MCM3: variants seen among roughly 807,000 people sequenced by gnomAD.
MCM3 encodes minichromosome maintenance complex component 3.
A neutral mutation model predicts 91.3 loss-of-function variants in MCM3; 59 were observed. That is an observed-to-expected ratio of 0.65 (90% confidence interval 0.52 to 0.80). The LOEUF is 0.80. Ranked by LOEUF, MCM3 falls within the 30% of genes least tolerant of loss-of-function variation. MCM3 has a pLI of 0.00. For synonymous variants in MCM3, 383 were observed against 379.6 expected (o/e 1.01, Z -0.10); for missense variants, 919 against 1,035.4 (o/e 0.89, Z 1.54).
intron 11 of MCM3, among the ~76,000 whole-genome samples, chr6:52,272,747 A>C (rs1765244089): frequency 6.6e-6 from 1 of 152,230 alleles, no homozygotes; most frequent in African/African-American, 2.4e-5. Context: ...TTCTGACTCC[A>C]AATTCTACAT....
Position 52,284,611 on chromosome 6 carries a change from A to G in MCM3, c.64T>C (p.Phe22Leu), listed in dbSNP as rs771235249. Residue 22 changes from phenylalanine (F) to leucine (L), a missense_variant, in exon 1 of 17, where the codon TTC becomes CTC. By Grantham distance (22) the Phe-to-Leu change is conservative (BLOSUM62 0). Coordinates refer to ENST00000596288, the MANE Select transcript of MCM3 (RefSeq NM_002388.6). ...LREAQRDYLD[F>L]LDDEEDQGIY... is the part of the protein sequence containing the mutation. ...GCCTCCCTCACCTCGTCGTCCAGGA[A>G]GTCCAGGTAATCTCTCTGAGCCTCC... The G allele has an allele frequency of 6.8e-6, 11 of 1,608,666 alleles. No individual in the cohort carries two copies. Among genetic ancestry groups the G allele is most frequent in the Non-Finnish European group, 9.3e-6 (11 of 1,178,556 alleles).
At position 52,269,147 on chromosome 6, in the gene MCM3, G is replaced by T. The variant is rs1764889207; in HGVS notation, c.1907C>A (p.Thr636Asn). The T allele has an allele frequency of 6.2e-7, 1 of 1,614,020 alleles. No individual in the cohort carries two copies. Among genetic ancestry groups the T allele is most frequent in the African/African-American group, 1.3e-5 (1 of 74,942 alleles). Residue 636 changes from threonine to asparagine, a missense_variant, in exon 13 of 17, where the codon ACT (threonine) becomes AAT (asparagine). Physicochemically the swap from Thr to Asn is moderately conservative, Grantham distance 65. This residue lies in a region of MCM3 where 285 missense variants were observed against 311.4 expected (regional missense o/e 0.92). Coordinates refer to ENST00000596288, the MANE Select transcript of MCM3 (RefSeq NM_002388.6). ...TTCCTCTGCATCCTGCAGGTCCACA[G>T]TCTTGCTCATGCGGGCCTTCGCATG... The part of the protein sequence containing the change: ...TAHAKARMSK[T>N]VDLQDAEEAV...
At chr6:52,279,753 T>C (rs1157354239) in intron 4 of MCM3, among the ~76,000 whole-genome samples, 154 bp from the exon 5 acceptor site, 2 of 152,276 alleles carry the variant, frequency 1.3e-5, no homozygotes, top group South Asian at 4.1e-4. Context: ...TGTTCCTGTC[T>C]GTTTTAGTAA....
Position 52,264,577 on chromosome 6 carries a change from A to G in MCM3, c.*11T>C, listed in dbSNP as rs1351995473. On this transcript the variant is annotated 3_prime_UTR_variant, in exon 17 of 17. Transcript: ENST00000596288. ...CTCTCGGCACAACCCAAGTTCAGAG[A>G]CGAGGCCTCCTCAGATGAGGAAGAT... 11 of 1,613,934 alleles carry G rather than the reference A, an allele frequency of 6.8e-6. No individual in the cohort carries two copies. The East Asian group carries it at 2.4e-4, about 36-fold the overall frequency.
At chr6:52,277,978 G>C (rs1482512752) in intron 6 of MCM3, among the ~76,000 whole-genome samples, 2 of 134,932 alleles carry the variant, frequency 1.5e-5, no homozygotes, top group African/African-American at 5.6e-5. Context: ...TGAGGCAGGA[G>C]AATCACTTAA....
In MCM3 at chr6:52,264,178, C is replaced by G. The variant is rs996731212; in HGVS notation, c.*410G>C. On this transcript the variant is annotated 3_prime_UTR_variant, in exon 17 of 17. Coordinates refer to ENST00000596288, the MANE Select transcript of MCM3 (RefSeq NM_002388.6). ...CAGAGCTTCTCTCCACCAATTGGAACCACCCAAAGCCTAGTCTAGACCAAA... is the reference window on the plus strand; with the variant it reads ...CAGAGCTTCTCTCCACCAATTGGAAGCACCCAAAGCCTAGTCTAGACCAAA... The G allele has an allele frequency of 2.8e-5, 5 of 180,746 alleles. No individual in the cohort carries two copies. Among genetic ancestry groups the G allele is most frequent in the Non-Finnish European group, 5.9e-5 (5 of 84,756 alleles). The allele number at this position is 180,746 out of a possible 1,614,324, so 11.2% of individuals were successfully genotyped here.
chr6:52,270,237 G>A (rs1338233669), intron 12 of MCM3, among the ~76,000 whole-genome samples: 2 of 150,852 alleles, frequency 1.3e-5, no homozygotes, highest in African/African-American at 2.4e-5. Flanking sequence ...GCTGAGGCAG[G>A]AGAATAGCTT....
Position 52,273,765 on chromosome 6 carries a change from G to C in MCM3, c.1526C>G (p.Ala509Gly). 6.2e-7 allele frequency: 1 copy of C among 1,612,502 alleles called. No homozygotes were observed. The highest frequency in any genetic ancestry group is 8.5e-7 in the Non-Finnish European group (1 of 1,179,372). The part of the protein sequence containing the change: ...DHVLRMHRYR[A>G]PGEQDGDAMP... ...ACCATCGCCATCCTGCTCCCCAGGTGCTCTGTAACGGTGCATCCGAAGGAC... is the reference window on the plus strand; with the variant it reads ...ACCATCGCCATCCTGCTCCCCAGGTCCTCTGTAACGGTGCATCCGAAGGAC... The change falls in exon 10 of 17, where the codon GCA becomes GGA. Residue 509 changes from alanine to glycine, a missense_variant. Physicochemically the swap from Ala to Gly is moderately conservative, Grantham distance 60. Transcript: ENST00000596288.
chr6:52,281,706 G>C (rs1766112431), intron 4 of MCM3, among the ~76,000 whole-genome samples: 1 of 151,948 alleles, frequency 6.6e-6, no homozygotes. Context: ...GTGAAGCCAG[G>C]TGGCGTAGCA....
chr6:52,266,446 C>T (rs910283058), intron 15 of MCM3, among the ~76,000 whole-genome samples, 165 bp downstream of exon 15: 2 of 152,124 alleles, frequency 1.3e-5, no homozygotes, highest in Non-Finnish European at 2.9e-5. Flanking sequence ...AAAGCTTTTT[C>T]CAAAGTTTCC....
intron 5 of MCM3, 89 bp downstream of exon 5, chr6:52,279,270 ACT>A (rs1765851124): frequency 2.7e-6 from 3 of 1,096,140 alleles, no homozygotes; most frequent in Admixed American, 3.9e-5. Flanking sequence ...ATCAGATATA[ACT>A]CTCTGGAATA....
chr6:52,282,724 T>A lies in MCM3; in HGVS notation c.329A>T (p.His110Leu). The A allele has an allele frequency of 6.2e-7, 1 of 1,614,018 alleles. No individual in the cohort carries two copies. Among genetic ancestry groups the A allele is most frequent in the South Asian group, 1.1e-5 (1 of 91,076 alleles). The change falls in exon 3 of 17, where the codon CAC (histidine) becomes CTC (leucine). Residue 110 changes from histidine to leucine, a missense_variant. Physicochemically the swap from His to Leu is moderately conservative, Grantham distance 99 (BLOSUM62 -3). Coordinates refer to ENST00000596288, the MANE Select transcript of MCM3 (RefSeq NM_002388.6). ...VGLEGSFGSK[H>L]VSPRTLTSCF... is the part of the protein sequence containing the mutation. ...GGAGGTAAGAGTCCGCGGGGAGACG[T>A]GCTTGGAGCCAAAGCTGCCTTCCAG...
chr6:52,279,013 C>T (rs1765827203), intron 5 of MCM3, among the ~76,000 whole-genome samples, 163 bp from the exon 6 acceptor site: 1 of 152,198 alleles, frequency 6.6e-6, no homozygotes, highest in African/African-American at 2.4e-5. Flanking sequence ...ACAACTGGTT[C>T]TGTCTGTGAT....
intron 2 of MCM3, among the ~76,000 whole-genome samples, 193 bp from the exon 3 acceptor site, chr6:52,283,054 A>C (rs17246219): frequency 6.6e-6 from 1 of 151,906 alleles, no homozygotes; most frequent in African/African-American, 2.4e-5. Flanking sequence ...CTTCACCTCA[A>C]CTTATCAAAG....
chr6:52,270,399 T>C (rs1005279983), intron 12 of MCM3, among the ~76,000 whole-genome samples: 2 of 151,798 alleles, frequency 1.3e-5, no homozygotes, highest in Non-Finnish European at 2.9e-5. Flanking sequence ...TCCCATTATA[T>C]GACCCCATCA....
intron 3 of MCM3, 102 bp downstream of exon 3, chr6:52,282,551 A>C (rs1581750161): frequency 9.6e-7 from 1 of 1,043,262 alleles, no homozygotes; most frequent in East Asian, 2.5e-5. Flanking sequence ...CCAATGCTCC[A>C]CCTCTTTGAA....
rs1436611602 is a variant in MCM3 at position 52,277,537 on chromosome 6, A to G, written c.1031T>C (p.Ile344Thr). Residue 344 changes from isoleucine to threonine, a missense_variant and splice_region_variant, in exon 7 of 17, where the codon ATA (isoleucine) becomes ACA (threonine). Around this residue, in one of 3 missense-constraint regions of MCM3, gnomAD observed 233 missense variants for 321.2 expected, o/e 0.73. Transcript: ENST00000596288. The part of the protein sequence containing the change: ...HIRGDINILL[I>T]GDPSVAKSQL... ...AAAGCAAATCCCCAACATCGTACCT[A>G]TTAGAAGAATATTGATGTCCCCACG... 11 of 1,612,838 alleles carry G rather than the reference A, an allele frequency of 6.8e-6. 1 individual carries two copies. In the Admixed American group the frequency reaches 1.8e-4, roughly 27 times the overall value.
chr6:52,282,150 G>A lies in MCM3; in HGVS notation c.426C>T (p.Val142=), dbSNP rs1217790441. 2 of 1,614,144 alleles carry A rather than the reference G, an allele frequency of 1.2e-6. No individual in the cohort carries two copies. Among genetic ancestry groups the A allele is most frequent in the Non-Finnish European group, 1.7e-6 (2 of 1,179,996 alleles). ...TKCSLVRPKV[V]RSVHYCPATK... is the part of the protein sequence containing the mutation. ...TAGCAGGACAGTAGTGGACACTGCG[G>A]ACGACTTTGGGACGAACTAGAGAAC... The change falls in exon 4 of 17, where the codon GTC becomes GTT. Residue 142 remains valine (V), a synonymous_variant. Transcript: ENST00000596288.
chr6:52,273,649 T>C, intron 10 of MCM3, 93 bp downstream of exon 10: 4 of 1,357,818 alleles, frequency 2.9e-6, no homozygotes, highest in Non-Finnish European at 3.0e-6. Flanking sequence ...ACCCGGACAC[T>C]GAAACACCTA....
Sources: allele counts gnomAD v4.1 joint callset (sites outside exome capture counted in the v4.1 genomes callset), GRCh38; gene constraint gnomAD v4.1.1; regional missense constraint gnomAD v4.1.1; transcripts MANE v1.5; gene names NCBI Gene and HGNC (gene_info 2026-07-23, HGNC 2026-07-21).